PRKN: variants seen among roughly 807,000 people sequenced by gnomAD.
PRKN encodes the protein parkin RBR E3 ubiquitin protein ligase, also known as E3 ubiquitin-protein ligase parkin.
PRKN carries 56 observed loss-of-function variants against 59.5 expected under a neutral mutation model. The ratio of observed to expected loss-of-function variants is 0.94; its 90% confidence interval spans 0.76 to 1.18. The LOEUF is 1.18. PRKN is among the 50% of genes most tolerant of loss of function. PRKN has a pLI of 0.00. For synonymous variants in PRKN, 250 were observed against 222.1 expected, an observed-to-expected ratio of 1.13 and a Z score of -1.12; for missense variants, 657 against 596.4, an observed-to-expected ratio of 1.10 and a Z score of -1.06.
intron 1 of PRKN, among the ~76,000 whole-genome samples, chr6:162,472,034 G>T (rs556591841): frequency 9.9e-5 from 15 of 152,258 alleles, no homozygotes; most frequent in African/African-American, 3.4e-4. Context: ...CAGATTGATT[G>T]ATGCACATCA....
At chr6:161,809,371 T>C (rs1298005047) in intron 6 of PRKN, among the ~76,000 whole-genome samples, 3 of 152,124 alleles carry the variant, frequency 2.0e-5, no homozygotes, top group Admixed American at 6.6e-5. Flanking sequence ...GCATTTATGG[T>C]GACAATGAAT....
chr6:162,602,255 G>A (rs1224253958), intron 1 of PRKN, among the ~76,000 whole-genome samples: 1 of 152,192 alleles, frequency 6.6e-6, no homozygotes, highest in African/African-American at 2.4e-5. Context: ...AGGGAGAGAA[G>A]AGAGAAGAGA....
At chr6:162,003,547 C>T (rs9458428) in intron 5 of PRKN, among the ~76,000 whole-genome samples, 69,218 of 151,834 alleles carry the variant, frequency 0.46, 16,126 homozygotes, top group East Asian at 0.6. Flanking sequence ...GGAGACTCAT[C>T]ATGCTACAAT....
intron 1 of PRKN, among the ~76,000 whole-genome samples, chr6:162,572,044 T>C (rs1736713902): frequency 6.6e-6 from 1 of 152,128 alleles, no homozygotes; most frequent in African/African-American, 2.4e-5. Context: ...AGTGTATCTT[T>C]GACTATCCCC....
intron 1 of PRKN, among the ~76,000 whole-genome samples, chr6:162,515,767 TAAAC>T (rs1777827210): frequency 6.6e-6 from 1 of 152,242 alleles, no homozygotes. Context: ...ATGGAGTTAT[TAAAC>T]AAATAAACAA....
chr6:161,690,461 G>A (rs971862501), intron 7 of PRKN, among the ~76,000 whole-genome samples: 1 of 152,222 alleles, frequency 6.6e-6, no homozygotes, highest in African/African-American at 2.4e-5. Flanking sequence ...TGGACTTAAA[G>A]AGCCTTCTAA....
chr6:162,167,129 A>G (rs1783024842), intron 4 of PRKN, among the ~76,000 whole-genome samples: 1 of 152,198 alleles, frequency 6.6e-6, no homozygotes, highest in Non-Finnish European at 1.5e-5. Flanking sequence ...AGGAAATTTA[A>G]AATGTAGAAT....
At chr6:161,510,661 T>C (rs1306453454) in intron 9 of PRKN, among the ~76,000 whole-genome samples, 2 of 152,252 alleles carry the variant, frequency 1.3e-5, no homozygotes, top group Non-Finnish European at 2.9e-5. Context: ...GTAACCAGTC[T>C]GGGTATTAAG....
chr6:161,692,738 G>T (rs1198457677), intron 7 of PRKN, among the ~76,000 whole-genome samples: 1 of 152,012 alleles, frequency 6.6e-6, no homozygotes, highest in Non-Finnish European at 1.5e-5. Context: ...AAGTGTGTCT[G>T]CTATAAAAAC....
chr6:162,402,332 T>A (rs565003262), intron 2 of PRKN, among the ~76,000 whole-genome samples: 1 of 151,924 alleles, frequency 6.6e-6, no homozygotes. Flanking sequence ...TGCTCAGGCA[T>A]GGAGAGTTAA....
chr6:162,464,659 CAAAAAAA>C (rs1164797005), intron 1 of PRKN, among the ~76,000 whole-genome samples: 359 of 79,906 alleles, frequency 4.5e-3, no homozygotes, highest in South Asian at 0.021. Flanking sequence ...ACTAAAAATA[CAAAAAAA>C]AAAAAAAAAA....
chr6:162,045,130 A>G (rs577780845), intron 5 of PRKN, among the ~76,000 whole-genome samples: 7 of 152,156 alleles, frequency 4.6e-5, no homozygotes, highest in Non-Finnish European at 7.3e-5. Context: ...AATTGCAGCC[A>G]TTTTTGTGAA....
At chr6:162,277,340 G>A (rs545910218) in intron 2 of PRKN, among the ~76,000 whole-genome samples, 18 of 152,220 alleles carry the variant, frequency 1.2e-4, no homozygotes, top group African/African-American at 2.9e-4. Context: ...CAGCATTAAC[G>A]ACAACAAAGT....
chr6:161,801,018 T>C (rs2128210576), intron 6 of PRKN, among the ~76,000 whole-genome samples: 1 of 152,280 alleles, frequency 6.6e-6, no homozygotes, highest in South Asian at 2.1e-4. Flanking sequence ...AGTGGCTTAA[T>C]GCATGAATGC....
At chr6:162,427,246 CTAG>C in intron 2 of PRKN, among the ~76,000 whole-genome samples, 1 of 152,254 alleles carries the variant, frequency 6.6e-6, no homozygotes, top group Non-Finnish European at 1.5e-5. Context: ...TTATGATCAC[CTAG>C]CAGAGCAATT....
intron 6 of PRKN, among the ~76,000 whole-genome samples, chr6:161,931,222 G>A (rs1421677425): frequency 1.3e-5 from 2 of 152,152 alleles, no homozygotes; most frequent in Non-Finnish European, 2.9e-5. Context: ...GATCATTTGA[G>A]GTTAGGAGTT....
chr6:162,257,082 T>C (rs1044185106), intron 3 of PRKN, among the ~76,000 whole-genome samples: 1 of 152,194 alleles, frequency 6.6e-6, no homozygotes, highest in Non-Finnish European at 1.5e-5. Flanking sequence ...TGCCCCGGCA[T>C]GGTATTCCTC....
At chr6:161,711,118 G>A (rs1263848603) in intron 7 of PRKN, among the ~76,000 whole-genome samples, 2 of 151,998 alleles carry the variant, frequency 1.3e-5, no homozygotes, top group Non-Finnish European at 2.9e-5. Flanking sequence ...TAGGCACAAG[G>A]AGAGGGGTCA....
intron 7 of PRKN, among the ~76,000 whole-genome samples, chr6:161,757,871 C>CTCTCTCTCTCTCTCTCTCTCTGTG (rs1380898753): frequency 0.023 from 2,229 of 97,798 alleles, 240 homozygotes; most frequent in East Asian, 0.079. Flanking sequence ...CTCTCTCTCT[C>CTCTCTCTCTCTCTCTCTCTCTGTG]TGTGTATATA....
Sources: allele counts gnomAD v4.1 joint callset (sites outside exome capture counted in the v4.1 genomes callset), GRCh38; gene constraint gnomAD v4.1.1; transcripts MANE v1.5; gene names NCBI Gene and HGNC (gene_info 2026-07-23, HGNC 2026-07-21).